Variants in GRIA1 observed in about 807,000 individuals in gnomAD.
GRIA1 encodes glutamate receptor 1.
GRIA1 carries 31 observed loss-of-function variants against 99.2 expected under a neutral mutation model. The observed-to-expected ratio is 0.31, with a 90% confidence interval of 0.23 to 0.42. The LOEUF is 0.42. Among genes scored for constraint, GRIA1 ranks in the 10% least tolerant of loss-of-function variants. GRIA1 has a pLI of 1.00. For synonymous variants in GRIA1, 438 were observed against 432.4 expected, an observed-to-expected ratio of 1.01 and a Z score of -0.16; for missense variants, 782 against 1,157.5, an observed-to-expected ratio of 0.68 and a Z score of 4.71.
At position 153,686,252 on chromosome 5, in the gene GRIA1, G is replaced by A. The variant is rs763067443; in HGVS notation, c.1057G>A (p.Val353Met). Residue 353 changes from valine to methionine, a missense_variant, in exon 8 of 16, where the codon GTG (valine) becomes ATG (methionine). Val to Met is a conservative substitution (Grantham distance 21). Transcript: ENST00000285900. Reference sequence around the variant, plus strand: ...GCGATTTGAAGGTTTAACAGGAAACGTGCAGTTTAATGAGAAAGGACGCCG... The same window carrying A: ...GCGATTTGAAGGTTTAACAGGAAACATGCAGTTTAATGAGAAAGGACGCCG... ...QVRFEGLTGN[V>M]QFNEKGRRTN... 9 of 1,613,754 alleles carry A rather than the reference G, an allele frequency of 5.6e-6. No homozygotes were observed. The highest frequency in any genetic ancestry group is 1.6e-4 in the Middle Eastern group (1 of 6,078).
chr5:153,585,225 C>G (rs1220763354), intron 2 of GRIA1, among the ~76,000 whole-genome samples: 3 of 151,740 alleles, frequency 2.0e-5, no homozygotes, highest in African/African-American at 7.3e-5. Flanking sequence ...CCTTTCTGAC[C>G]TGGCCTCACT....
At chr5:153,801,087 A>C (rs1765991990) in intron 14 of GRIA1, among the ~76,000 whole-genome samples, 1 of 152,278 alleles carries the variant, frequency 6.6e-6, no homozygotes, top group South Asian at 2.1e-4. Context: ...GTATTCTCCT[A>C]GTAGTTAAAG....
chr5:153,753,482 C>T (rs889325645), intron 11 of GRIA1, among the ~76,000 whole-genome samples: 1 of 152,126 alleles, frequency 6.6e-6, no homozygotes, highest in African/African-American at 2.4e-5. Flanking sequence ...AGCTAAAGTG[C>T]TGGATAAGAA....
intron 11 of GRIA1, among the ~76,000 whole-genome samples, chr5:153,720,794 T>C (rs956418830): frequency 6.6e-6 from 1 of 152,198 alleles, no homozygotes; most frequent in Non-Finnish European, 1.5e-5. Context: ...CAAAGGAAGG[T>C]GTTTCCTGAG....
chr5:153,512,732 T>C (rs1032088179), intron 2 of GRIA1, among the ~76,000 whole-genome samples: 1 of 152,216 alleles, frequency 6.6e-6, no homozygotes, highest in African/African-American at 2.4e-5. Context: ...AAACTTGTTC[T>C]CTCCAGCATC....
intron 8 of GRIA1, among the ~76,000 whole-genome samples, chr5:153,691,267 A>G (rs1253069187): frequency 1.3e-5 from 2 of 152,352 alleles, no homozygotes; most frequent in East Asian, 3.9e-4. Flanking sequence ...TGAATAAAAT[A>G]TCTTGTCAAA....
At chr5:153,577,529 A>G (rs1581256672) in intron 2 of GRIA1, among the ~76,000 whole-genome samples, 2 of 152,282 alleles carry the variant, frequency 1.3e-5, no homozygotes, top group African/African-American at 4.8e-5. Flanking sequence ...TTTAGTTGAG[A>G]AAAATAGAAT....
intron 11 of GRIA1, among the ~76,000 whole-genome samples, chr5:153,731,134 A>C (rs1415954551): frequency 6.6e-6 from 1 of 152,044 alleles, no homozygotes; most frequent in Non-Finnish European, 1.5e-5. Context: ...GATAAAGTCT[A>C]AACCTATTAA....
chr5:153,628,877 A>G (rs1294856693), intron 2 of GRIA1, among the ~76,000 whole-genome samples: 1 of 152,218 alleles, frequency 6.6e-6, no homozygotes, highest in Non-Finnish European at 1.5e-5. Flanking sequence ...GACAGTTACC[A>G]TAGTCAGCCT....
intron 2 of GRIA1, among the ~76,000 whole-genome samples, chr5:153,618,421 G>A (rs2149419007): frequency 6.6e-6 from 1 of 152,320 alleles, no homozygotes; most frequent in Non-Finnish European, 1.5e-5. Context: ...ATAAATGTGT[G>A]TTGAGTGATT....
In GRIA1 at chr5:153,505,459, A is replaced by C. The variant is rs144566310; in HGVS notation, c.220+11394A>C. On this transcript the variant is annotated intron_variant, in intron 2 of 15. Coordinates refer to ENST00000285900, the MANE Select transcript of GRIA1 (RefSeq NM_000827.4). ...TGTTTGAAGCAGAGATTATGAGAAG[A>C]ACATGCCCCAGAGAGCCTGCTCGTC... Among the ~76,000 whole-genome samples the C allele has an allele frequency of 3.0e-4, 45 of 152,342 alleles. 1 individual carries two copies. In the East Asian group the frequency reaches 8.5e-3, roughly 29 times the overall value.
In GRIA1 at chr5:153,647,172, G is replaced by A. The variant is rs1374894867; in HGVS notation, c.460+5G>A. 2.5e-6 allele frequency: 4 copies of A among 1,613,672 alleles called. No individual in the cohort carries two copies. Among genetic ancestry groups the A allele is most frequent in the Non-Finnish European group, 3.4e-6 (4 of 1,179,714 alleles). The stretch of plus-strand genomic sequence containing the variant: ...ACATTTATGATGCCGACCGGGGTAA[G>A]CCAAGGGTTAGGGGAGGGAGACTTT... On this transcript the variant is annotated splice_donor_5th_base_variant and intron_variant, in intron 3 of 15. Transcript: ENST00000285900.
At chr5:153,562,917 C>A (rs1233203730) in intron 2 of GRIA1, among the ~76,000 whole-genome samples, 1 of 152,124 alleles carries the variant, frequency 6.6e-6, no homozygotes, top group Non-Finnish European at 1.5e-5. Flanking sequence ...GTGGCTCATG[C>A]CTGTAATCCC....
At chr5:153,529,248 A>C (rs1757883138) in intron 2 of GRIA1, among the ~76,000 whole-genome samples, 1 of 152,182 alleles carries the variant, frequency 6.6e-6, no homozygotes, top group African/African-American at 2.4e-5. Context: ...TCTTTCCCCA[A>C]TGCCAGTTCT....
intron 5 of GRIA1, among the ~76,000 whole-genome samples, chr5:153,663,963 C>A (rs982551203): frequency 4.6e-5 from 7 of 152,200 alleles, no homozygotes; most frequent in African/African-American, 1.7e-4. Flanking sequence ...TCCTTTGGAC[C>A]ATTTCAGATA....
At chr5:153,642,080 C>T (rs764862003) in intron 2 of GRIA1, among the ~76,000 whole-genome samples, 1 of 152,142 alleles carries the variant, frequency 6.6e-6, no homozygotes, top group Non-Finnish European at 1.5e-5. Flanking sequence ...TCAAACATAC[C>T]ACTCAATTTT....
intron 2 of GRIA1, among the ~76,000 whole-genome samples, chr5:153,575,761 T>C (rs1384779423): frequency 6.6e-6 from 1 of 152,208 alleles, no homozygotes; most frequent in African/African-American, 2.4e-5. Context: ...GAGTTGTAGG[T>C]GCACTCTGTT....
chr5:153,536,483 T>G (rs999972780), intron 2 of GRIA1, among the ~76,000 whole-genome samples: 1 of 152,200 alleles, frequency 6.6e-6, no homozygotes, highest in Non-Finnish European at 1.5e-5. Flanking sequence ...TGCTCATCTG[T>G]CCATCTCCTT....
At chr5:153,576,443 G>T (rs1762535993) in intron 2 of GRIA1, among the ~76,000 whole-genome samples, 1 of 152,128 alleles carries the variant, frequency 6.6e-6, no homozygotes, top group Non-Finnish European at 1.5e-5. Context: ...TTGTCCTAAT[G>T]CTATGGGCTC....
Sources: gnomAD v4.1 joint callset for allele counts (sites outside exome capture counted in the v4.1 genomes callset) on GRCh38, gnomAD v4.1.1 for gene constraint, MANE v1.5 for transcripts, NCBI Gene and HGNC (gene_info 2026-07-23, HGNC 2026-07-21) for gene names.